Variants in ADAM18 observed in about 807,000 individuals in gnomAD.
ADAM18 encodes the protein ADAM metallopeptidase domain 18, also known as disintegrin and metalloproteinase domain-containing protein 18.
In ADAM18, 117 loss-of-function variants were observed where a neutral mutation model predicts 94.4. That is an observed-to-expected ratio of 1.24 (90% CI 1.07 to 1.45). The LOEUF is 1.45. ADAM18 is among the 40% of genes most tolerant of loss of function. ADAM18 has a pLI of 0.00. For missense variants in ADAM18, 936 were observed against 880.0 expected, an observed-to-expected ratio of 1.06 and a Z score of -0.81; for synonymous variants, 327 against 291.6, an observed-to-expected ratio of 1.12 and a Z score of -1.24.
chr8:39,667,401 C>CAAA (rs377507911), intron 13 of ADAM18, among the ~76,000 whole-genome samples: 1 of 54,008 alleles, frequency 1.9e-5, no homozygotes, highest in Admixed American at 2.1e-4. Flanking sequence ...AACTCCATCT[C>CAAA]AAAAAAAAAA....
chr8:39,659,277 ATAAT>A (rs960084011), intron 12 of ADAM18, among the ~76,000 whole-genome samples: 2 of 152,100 alleles, frequency 1.3e-5, no homozygotes, highest in African/African-American at 4.8e-5. Flanking sequence ...GATAGCTAAA[ATAAT>A]TGATTGGATT....
chr8:39,619,721 G>A (rs1418057397), intron 6 of ADAM18, among the ~76,000 whole-genome samples: 1 of 151,982 alleles, frequency 6.6e-6, no homozygotes, highest in African/African-American at 2.4e-5. Flanking sequence ...ATAAAACATG[G>A]ATGAAAGAAA....
intron 9 of ADAM18, 142 bp from the exon 10 acceptor site, chr8:39,638,323 G>C: frequency 2.1e-6 from 1 of 475,856 alleles, no homozygotes; most frequent in Non-Finnish European, 3.8e-6. Flanking sequence ...ATTTTGTAAT[G>C]TTTATTAGAT....
At chr8:39,593,156 CT>C (rs1047702847) in intron 2 of ADAM18, among the ~76,000 whole-genome samples, 2 of 152,162 alleles carry the variant, frequency 1.3e-5, no homozygotes, top group African/African-American at 4.8e-5. Context: ...AAAGTTAGGA[CT>C]TTTTTCCAGA....
rs1191228504 is a variant in ADAM18, at chr8:39,725,579, A to G, written c.2177+1672A>G. Among the ~76,000 whole-genome samples the G allele has an allele frequency of 2.0e-5, 3 of 152,184 alleles. No homozygotes were observed. In the East Asian group the frequency reaches 5.8e-4, roughly 29 times the overall value. On this transcript the variant is annotated intron_variant, in intron 19 of 19. Transcript: ENST00000265707. ...ATTTTTGAGTCCACATATAGTTAAG[A>G]TCATGCAACTTTTGTCTGACATATT...
intron 14 of ADAM18, among the ~76,000 whole-genome samples, chr8:39,672,282 T>A (rs1020628694): frequency 6.6e-6 from 1 of 152,158 alleles, no homozygotes; most frequent in African/African-American, 2.4e-5. Context: ...ATTTCAAAGA[T>A]GGCTTCCTCT....
chr8:39,621,507 T>C (rs1042897664), intron 6 of ADAM18, among the ~76,000 whole-genome samples: 3 of 151,826 alleles, frequency 2.0e-5, no homozygotes, highest in African/African-American at 7.2e-5. Flanking sequence ...ATAAAAATAA[T>C]CTATTAATAT....
At chr8:39,688,206 T>C (rs1310370820) in intron 16 of ADAM18, among the ~76,000 whole-genome samples, 1 of 152,184 alleles carries the variant, frequency 6.6e-6, no homozygotes, top group African/African-American at 2.4e-5. Flanking sequence ...TGATTAGTGA[T>C]GATGAACTTT....
intron 7 of ADAM18, among the ~76,000 whole-genome samples, chr8:39,637,004 C>A (rs1820089799): frequency 7.4e-6 from 1 of 135,170 alleles, no homozygotes; most frequent in African/African-American, 2.8e-5. Context: ...AATAATATTT[C>A]CGCATGTGTG....
At chr8:39,708,785 G>A (rs1586003507) in intron 18 of ADAM18, among the ~76,000 whole-genome samples, 1 of 152,352 alleles carries the variant, frequency 6.6e-6, no homozygotes, top group South Asian at 2.1e-4. Flanking sequence ...GGGACCTGAT[G>A]TGTTCCAACC....
chr8:39,658,989 T>C (rs1585949313), intron 12 of ADAM18, among the ~76,000 whole-genome samples: 1 of 152,266 alleles, frequency 6.6e-6, no homozygotes, highest in Non-Finnish European at 1.5e-5. Flanking sequence ...ACAAGATGAA[T>C]AATAAATGTA....
chr8:39,620,400 A>G (rs1819579999), intron 6 of ADAM18, among the ~76,000 whole-genome samples: 1 of 148,974 alleles, frequency 6.7e-6, no homozygotes. Flanking sequence ...AAACAAAACA[A>G]AGAAAAAATG....
chr8:39,584,781 C>A, intron 1 of ADAM18, 104 bp downstream of exon 1: 1 of 1,322,330 alleles, frequency 7.6e-7, no homozygotes, highest in Non-Finnish European at 1.1e-6. Flanking sequence ...CCTCTCCCTT[C>A]TGGGATCCCA....
At chr8:39,620,965 C>T (rs918752692) in intron 6 of ADAM18, among the ~76,000 whole-genome samples, 2 of 151,910 alleles carry the variant, frequency 1.3e-5, no homozygotes, top group African/African-American at 4.8e-5. Flanking sequence ...TTCACCACTA[C>T]ACAATCTATG....
intron 19 of ADAM18, 129 bp downstream of exon 19, chr8:39,724,036 C>T (rs1320169662): frequency 3.0e-6 from 2 of 657,244 alleles, no homozygotes; most frequent in East Asian, 7.0e-5. Flanking sequence ...TAAGTGGTAT[C>T]TTTATAATTT....
intron 2 of ADAM18, among the ~76,000 whole-genome samples, chr8:39,600,974 G>A (rs1460387047): frequency 6.6e-6 from 1 of 152,126 alleles, no homozygotes. Flanking sequence ...TCACCGTTGG[G>A]CAGGTTGTAC....
Position 39,637,653 on chromosome 8 carries a change from G to A in ADAM18, c.777G>A (p.Trp259Ter). 1 of 1,612,592 alleles carries A rather than the reference G, an allele frequency of 6.2e-7. No individual in the cohort carries two copies. Among genetic ancestry groups the A allele is most frequent in the Non-Finnish European group, 8.5e-7 (1 of 1,179,170 alleles). The change falls in exon 9 of 20, where the codon TGG (tryptophan) becomes TGA (stop). Residue 259 changes from tryptophan to a stop codon, truncating the protein, a stop_gained. Coordinates refer to ENST00000265707, the MANE Select transcript of ADAM18 (RefSeq NM_014237.3). LOFTEE classifies it high-confidence loss of function. ...ADDILQRFLA[W>*]KRDYLILRPH... ...ATATATTACAAAGATTTTTGGCATG[G>A]AAACGGGACTATCTCATCCTACGGC...
rs776421409 is a variant in ADAM18 at position 39,586,511 on chromosome 8, C to T, written c.132+1159C>T. ...CTTTGGGATCCCAAGGTTGGAGGAT[C>T]GCTTGAGCCTAGGAGTTTGAGGCTG... On this transcript the variant is annotated intron_variant, in intron 2 of 19. Transcript: ENST00000265707. Among the ~76,000 whole-genome samples, 218 of 152,262 alleles carry T rather than the reference C, an allele frequency of 1.4e-3. 2 individuals are homozygous for T. The highest frequency in any genetic ancestry group is 1.1e-3 in the Non-Finnish European group (77 of 68,014).
chr8:39,593,200 G>A (rs1264540541), intron 2 of ADAM18, among the ~76,000 whole-genome samples: 1 of 152,116 alleles, frequency 6.6e-6, no homozygotes, highest in East Asian at 1.9e-4. Flanking sequence ...GTTACGGCTG[G>A]TTTGATTGTC....
Sources: allele counts gnomAD v4.1 joint callset (sites outside exome capture counted in the v4.1 genomes callset), GRCh38; gene constraint gnomAD v4.1.1; transcripts MANE v1.5; gene names NCBI Gene and HGNC (gene_info 2026-07-23, HGNC 2026-07-21).